Variants in MLLT3 observed in about 807,000 individuals in gnomAD.
The protein encoded by MLLT3 is protein AF-9.
MLLT3 carries 4 observed loss-of-function variants against 53.2 expected under a neutral mutation model. That is an observed-to-expected ratio of 0.08 (90% CI 0.04 to 0.17). MLLT3 has a LOEUF of 0.17. Ranked by LOEUF, MLLT3 falls within the 10% of genes least tolerant of loss-of-function variation. MLLT3 has a pLI of 1.00. For missense variants in MLLT3, 569 were observed against 684.0 expected, an observed-to-expected ratio of 0.83 and a Z score of 1.87; for synonymous variants, 283 against 230.6, an observed-to-expected ratio of 1.23 and a Z score of -2.06.
At chr9:20,486,786 C>G (rs1228921857) in intron 2 of MLLT3, among the ~76,000 whole-genome samples, 3 of 152,108 alleles carry the variant, frequency 2.0e-5, no homozygotes, top group Non-Finnish European at 4.4e-5. Flanking sequence ...TGTATTACAG[C>G]CTTATTTGCT....
At chr9:20,585,657 C>T (rs148908478) in intron 2 of MLLT3, among the ~76,000 whole-genome samples, 1 of 152,290 alleles carries the variant, frequency 6.6e-6, no homozygotes, top group African/African-American at 2.4e-5. Flanking sequence ...TCTCTAATGA[C>T]GTGATATTGA....
At position 20,360,744 on chromosome 9, in the gene MLLT3, GGTT is replaced by G. The variant is rs769769959; in HGVS notation, c.1426_1428del (p.Asn476del). On this transcript the variant is annotated inframe_deletion, in exon 8 of 11. Transcript: ENST00000380338. Reference sequence around the variant, plus strand: ...AAAGTGCAAACCCCACAATTTACCTGGTTGTTGTTGGTTTTTAGTAAGGGTGGT... The same window carrying G: ...AAAGTGCAAACCCCACAATTTACCTGGTTGTTGGTTTTTAGTAAGGGTGGT... 16 of 1,612,918 alleles carry G rather than the reference GGTT, an allele frequency of 9.9e-6. No homozygotes were observed. The highest frequency in any genetic ancestry group is 1.6e-4 in the Middle Eastern group (1 of 6,078).
intron 2 of MLLT3, among the ~76,000 whole-genome samples, chr9:20,614,287 G>A (rs575830596): frequency 2.6e-5 from 4 of 152,132 alleles, no homozygotes; most frequent in South Asian, 2.1e-4. Flanking sequence ...CCAGCTACTC[G>A]GGAGGCTGAG....
In MLLT3 at chr9:20,440,297, G is replaced by C. The variant is rs528650056; in HGVS notation, c.420+7826C>G. Among the ~76,000 whole-genome samples the C allele has an allele frequency of 9.2e-5, 14 of 152,198 alleles. No homozygotes were observed. The South Asian group carries it at 2.9e-3, about 32-fold the overall frequency. ...GGCTATATCCCCTGTGGTAATGAAG[G>C]TTTTTATATTAAGCCACCTACCATC... is the stretch of plus-strand genomic sequence containing the variant. On this transcript the variant is annotated intron_variant, in intron 4 of 10. Transcript: ENST00000380338.
chr9:20,611,644 TTTTC>T (rs1820705069), intron 2 of MLLT3, among the ~76,000 whole-genome samples: 1 of 152,108 alleles, frequency 6.6e-6, no homozygotes, highest in Non-Finnish European at 1.5e-5. Flanking sequence ...TAAGCCATAA[TTTTC>T]TTTAATAAAA....
At chr9:20,436,431 CA>C (rs1358167587) in intron 4 of MLLT3, among the ~76,000 whole-genome samples, 1 of 152,108 alleles carries the variant, frequency 6.6e-6, no homozygotes, top group African/African-American at 2.4e-5. Context: ...AAGCAATAAA[CA>C]AAAATATGAA....
chr9:20,471,410 C>A (rs1824391114), intron 2 of MLLT3, among the ~76,000 whole-genome samples: 1 of 151,974 alleles, frequency 6.6e-6, no homozygotes, highest in African/African-American at 2.4e-5. Flanking sequence ...AGGTCTTCCA[C>A]CTATGCGTAC....
intron 2 of MLLT3, among the ~76,000 whole-genome samples, chr9:20,469,481 A>G (rs950395151): frequency 2.0e-5 from 3 of 152,084 alleles, no homozygotes; most frequent in African/African-American, 7.2e-5. Context: ...TATGCAGTCA[A>G]TCTTAATAGT....
At chr9:20,610,193 T>C (rs1200819838) in intron 2 of MLLT3, among the ~76,000 whole-genome samples, 1 of 152,146 alleles carries the variant, frequency 6.6e-6, no homozygotes, top group African/African-American at 2.4e-5. Flanking sequence ...GGAATTACAT[T>C]AGACTCTTAT....
chr9:20,559,959 A>T (rs922627559), intron 2 of MLLT3, among the ~76,000 whole-genome samples: 2 of 152,216 alleles, frequency 1.3e-5, no homozygotes, highest in African/African-American at 4.8e-5. Context: ...GGGCAACACC[A>T]GATACATTCT....
At chr9:20,529,502 G>C (rs73432556) in intron 2 of MLLT3, among the ~76,000 whole-genome samples, 4,290 of 152,144 alleles carry the variant, frequency 0.028, 221 homozygotes, top group African/African-American at 0.097. Context: ...TAAATGTCTA[G>C]TTCATAAAAA....
At chr9:20,494,064 G>C (rs1262907678) in intron 2 of MLLT3, among the ~76,000 whole-genome samples, 1 of 152,040 alleles carries the variant, frequency 6.6e-6, no homozygotes, top group Non-Finnish European at 1.5e-5. Context: ...GATGCAATCA[G>C]TTCCTAAGTT....
In MLLT3 at chr9:20,343,092, G is replaced by A. The variant is rs1354045682; in HGVS notation, c.*3351C>T. ...AACAAATATATTAACTACATTTGTG[G>A]AGCTTGAAGTAGTAAATAGGATGTT... On this transcript the variant is annotated 3_prime_UTR_variant, in exon 11 of 11. Transcript: ENST00000380338. 1 of 170,394 alleles carries A rather than the reference G, an allele frequency of 5.9e-6. No individual in the cohort carries two copies. The highest frequency in any genetic ancestry group is 1.2e-5 in the Non-Finnish European group (1 of 83,496). 10.6% of individuals were successfully genotyped at this position (170,394 alleles called of 1,614,324 possible). A position where few individuals can be genotyped will look rare whatever the true frequency, so the allele number is the denominator to read the frequency against.
intron 2 of MLLT3, among the ~76,000 whole-genome samples, chr9:20,601,608 A>C (rs1435209644): frequency 6.6e-6 from 1 of 152,216 alleles, no homozygotes; most frequent in Non-Finnish European, 1.5e-5. Flanking sequence ...TAGGGAAAAA[A>C]CTGCAAACAG....
intron 5 of MLLT3, among the ~76,000 whole-genome samples, chr9:20,393,515 G>C (rs1343430628): frequency 6.6e-6 from 1 of 152,184 alleles, no homozygotes; most frequent in Non-Finnish European, 1.5e-5. Context: ...AGTAGACCTT[G>C]CTATAAAGAT....
chr9:20,437,368 AAG>A (rs1470687120), intron 4 of MLLT3, among the ~76,000 whole-genome samples: 2 of 152,210 alleles, frequency 1.3e-5, no homozygotes, highest in Non-Finnish European at 2.9e-5. Flanking sequence ...TTAATTAAAA[AAG>A]AAAAATAAAC....
Position 20,391,353 on chromosome 9 carries a change from G to C in MLLT3, c.1125+22368C>G, listed in dbSNP as rs142152798. Among the ~76,000 whole-genome samples the C allele has an allele frequency of 3.6e-3, 554 of 152,304 alleles. 2 individuals are homozygous for C. The highest frequency in any genetic ancestry group is 0.012 in the African/African-American group (518 of 41,576). On this transcript the variant is annotated intron_variant, in intron 5 of 10. Transcript: ENST00000380338. ...AATGGAACAGGTGCCTGAAGATTGT[G>C]ATCAACAAGGTAAACAAGATAAGGT...
intron 2 of MLLT3, among the ~76,000 whole-genome samples, chr9:20,531,079 C>CTTTT (rs371687632): frequency 1.6e-5 from 2 of 125,260 alleles, no homozygotes; most frequent in African/African-American, 3.0e-5. Flanking sequence ...TTGCTTTTAG[C>CTTTT]TTTTTTTTTT....
At chr9:20,389,833 G>A (rs529558896) in intron 5 of MLLT3, among the ~76,000 whole-genome samples, 29 of 152,186 alleles carry the variant, frequency 1.9e-4, no homozygotes, top group African/African-American at 6.5e-4. Context: ...ACTTTAAATG[G>A]GTGAACTGTA....
Sources: gnomAD v4.1 joint callset for allele counts (sites outside exome capture counted in the v4.1 genomes callset) on GRCh38, gnomAD v4.1.1 for gene constraint, MANE v1.5 for transcripts, NCBI Gene and HGNC (gene_info 2026-07-23, HGNC 2026-07-21) for gene names.